The following NCKAP5 variants were observed in gnomAD, a reference collection of about 807,000 sequenced individuals.
NCKAP5 encodes nck-associated protein 5.
A neutral mutation model predicts 167.0 loss-of-function variants in NCKAP5; 92 were observed. The observed-to-expected ratio is 0.55, with a 90% CI of 0.47 to 0.66. The LOEUF (loss-of-function observed/expected upper bound fraction) is 0.66, where lower values mean the gene tolerates loss of function less well. Ranked by LOEUF, NCKAP5 falls within the 30% of genes least tolerant of loss-of-function variation. The probability of loss-of-function intolerance (pLI) is 0.00; values close to 1 mark genes in which losing one functional copy is unlikely to be tolerated. For missense variants in NCKAP5, 2,378 were observed against 2,315.0 expected (o/e 1.03, Z -0.56); for synonymous variants, 891 against 877.4 (o/e 1.02, Z -0.27).
At chr2:133,587,330 G>T in the NCKAP5 span, among the ~76,000 whole-genome samples, 1 of 152,114 alleles carries the variant, frequency 6.6e-6, no homozygotes, top group African/African-American at 2.4e-5. Context: ...TCAGAACAAT[G>T]CCTGGCACTT....
chr2:133,383,015 C>G (rs1440564310), intron 3 of NCKAP5, among the ~76,000 whole-genome samples: 2 of 152,134 alleles, frequency 1.3e-5, no homozygotes, highest in African/African-American at 4.8e-5. Flanking sequence ...TTATTATTCA[C>G]AGCTTCCAGG....
intron 6 of NCKAP5, among the ~76,000 whole-genome samples, chr2:133,048,740 AACG>A (rs1418595482): frequency 6.6e-6 from 1 of 152,242 alleles, no homozygotes; most frequent in Non-Finnish European, 1.5e-5. Context: ...GAAATAGAAT[AACG>A]ACAATTGTTA....
At chr2:132,829,801 T>C (rs2105359907) in intron 11 of NCKAP5, among the ~76,000 whole-genome samples, 1 of 152,310 alleles carries the variant, frequency 6.6e-6, no homozygotes, top group African/African-American at 2.4e-5. Flanking sequence ...TTGGTGGTGG[T>C]GCAGGGACCT....
At position 132,973,041 on chromosome 2, in the gene NCKAP5, T is replaced by C. The variant is rs182555068; in HGVS notation, c.430-9172A>G. Among the ~76,000 whole-genome samples the C allele has an allele frequency of 2.4e-3, 362 of 152,168 alleles. 3 individuals carry two copies. The highest frequency in any genetic ancestry group is 8.6e-3 in the African/African-American group (355 of 41,518). ...AAAAATAAGAAGAAAAGTTGGAACA[T>C]TTTCATCCCAACTCCAATACTCAGT... On this transcript the variant is annotated intron_variant, in intron 7 of 19. Transcript: ENST00000409261.
At chr2:133,389,013 G>A (rs74559484) in intron 3 of NCKAP5, among the ~76,000 whole-genome samples, 1 of 152,196 alleles carries the variant, frequency 6.6e-6, no homozygotes, top group East Asian at 1.9e-4. Flanking sequence ...CCCTGCTTTG[G>A]CTCACTCTTG....
chr2:133,311,001 A>G (rs1394766557), intron 3 of NCKAP5, among the ~76,000 whole-genome samples: 1 of 152,162 alleles, frequency 6.6e-6, no homozygotes, highest in Non-Finnish European at 1.5e-5. Flanking sequence ...TTTTCCCTAT[A>G]CGTCAACCAA....
intron 6 of NCKAP5, among the ~76,000 whole-genome samples, chr2:133,091,625 C>T (rs930139581): frequency 1.3e-5 from 2 of 152,102 alleles, no homozygotes; most frequent in African/African-American, 4.8e-5. Context: ...CAGTGGCTCC[C>T]GCCTGTAATC....
chr2:133,389,666 A>C (rs575497418), intron 3 of NCKAP5, among the ~76,000 whole-genome samples: 20 of 152,206 alleles, frequency 1.3e-4, no homozygotes, highest in Non-Finnish European at 2.8e-4. Context: ...AGCCAAGTGG[A>C]TCACAGTGTT....
the NCKAP5 span, among the ~76,000 whole-genome samples, chr2:133,573,569 C>A: frequency 6.6e-6 from 1 of 152,152 alleles, no homozygotes; most frequent in Non-Finnish European, 1.5e-5. Flanking sequence ...CTAGGCCCAG[C>A]CCAGGGAGGC....
chr2:133,595,930 T>C, the NCKAP5 span, among the ~76,000 whole-genome samples: 2 of 152,218 alleles, frequency 1.3e-5, no homozygotes, highest in African/African-American at 4.8e-5. Context: ...CAAACCCACA[T>C]TTAAAAATGT....
chr2:133,062,940 A>G (rs1383802220), intron 6 of NCKAP5, among the ~76,000 whole-genome samples: 1 of 152,220 alleles, frequency 6.6e-6, no homozygotes, highest in East Asian at 1.9e-4. Flanking sequence ...CCTAAATTAC[A>G]GCATAAGGAT....
At chr2:133,606,143 A>G in the NCKAP5 span, among the ~76,000 whole-genome samples, 17 of 151,870 alleles carry the variant, frequency 1.1e-4, no homozygotes, top group African/African-American at 3.9e-4. Flanking sequence ...GAACTTCAAA[A>G]AAAATTGAAG....
At position 132,763,561 on chromosome 2, in the gene NCKAP5, G is replaced by A. The variant is rs1300956418; in HGVS notation, c.5128+10255C>T. ...TTAATTAATATGGGGTGTGATTTTG[G>A]TATCAGTATTTTTAGAGGCTTCCCA... On this transcript the variant is annotated intron_variant, in intron 16 of 19. Coordinates refer to ENST00000409261, the MANE Select transcript of NCKAP5 (RefSeq NM_207363.3). Among the ~76,000 whole-genome samples the A allele has an allele frequency of 5.9e-5, 9 of 152,156 alleles. 1 individual carries two copies. The highest frequency in any genetic ancestry group is 3.3e-4 in the Admixed American group (5 of 15,278).
intron 8 of NCKAP5, among the ~76,000 whole-genome samples, chr2:132,919,043 G>A (rs1186657445): frequency 6.6e-6 from 1 of 152,272 alleles, no homozygotes; most frequent in South Asian, 2.1e-4. Context: ...TTCATTTCAT[G>A]GACCTACAAG....
chr2:133,594,826 C>T, the NCKAP5 span, among the ~76,000 whole-genome samples: 5 of 152,112 alleles, frequency 3.3e-5, no homozygotes, highest in African/African-American at 4.8e-5. Flanking sequence ...CACTTCATCG[C>T]TATATGAGGA....
chr2:133,605,169 T>C, the NCKAP5 span, among the ~76,000 whole-genome samples: 1 of 152,208 alleles, frequency 6.6e-6, no homozygotes, highest in African/African-American at 2.4e-5. Context: ...CCAAATAAGC[T>C]GGACTTGTGA....
Position 133,191,356 on chromosome 2 carries a change from A to T in NCKAP5, c.207+22360T>A, listed in dbSNP as rs554822077. 1.7e-3 allele frequency among the ~76,000 whole-genome samples: 256 copies of T among 152,298 alleles called. 1 individual carries two copies. The highest frequency in any genetic ancestry group is 5.8e-3 in the African/African-American group (242 of 41,572). ...TAAACTAGTTCAACCATTGTGGAAG[A>T]CAGTGTGGCGATCCCTCAAGGATCT... On this transcript the variant is annotated intron_variant, in intron 5 of 19. Transcript: ENST00000409261.
chr2:133,469,224 A>C (rs1380784817), intron 3 of NCKAP5, among the ~76,000 whole-genome samples: 1 of 151,972 alleles, frequency 6.6e-6, no homozygotes, highest in Non-Finnish European at 1.5e-5. Flanking sequence ...AAAATCTCTC[A>C]GCATTTGCTT....
intron 3 of NCKAP5, among the ~76,000 whole-genome samples, chr2:133,348,737 T>C (rs1370848615): frequency 6.6e-6 from 1 of 152,208 alleles, no homozygotes; most frequent in Non-Finnish European, 1.5e-5. Context: ...ATTTTCCTGC[T>C]GATGGTTAAT....
Sources: allele counts gnomAD v4.1 joint callset (sites outside exome capture counted in the v4.1 genomes callset), GRCh38; gene constraint gnomAD v4.1.1; transcripts MANE v1.5; gene names NCBI Gene and HGNC (gene_info 2026-07-23, HGNC 2026-07-21).